The following RGS17 variants were observed in gnomAD, a reference collection of about 807,000 sequenced individuals.
RGS17 encodes regulator of G-protein signaling 17.
RGS17 carries 12 observed loss-of-function variants against 25.5 expected under a neutral mutation model. The ratio of observed to expected loss-of-function variants is 0.47; its 90% CI spans 0.30 to 0.76. RGS17 has a LOEUF of 0.76. RGS17 is among the 30% of genes least tolerant of loss of function. The probability of loss-of-function intolerance (pLI) is 0.07; values close to 1 mark genes in which losing one functional copy is unlikely to be tolerated. For synonymous variants in RGS17, 71 were observed against 76.9 expected (o/e 0.92, Z 0.40); for missense variants, 196 against 242.2 (o/e 0.81, Z 1.27).
At chr6:153,089,579 A>G (rs1193881903) in intron 1 of RGS17, among the ~76,000 whole-genome samples, 1 of 152,120 alleles carries the variant, frequency 6.6e-6, no homozygotes, top group Non-Finnish European at 1.5e-5. Context: ...GATGTGTTCA[A>G]AAAGTGTTAT....
At chr6:153,027,807 A>G (rs1779318744) in intron 2 of RGS17, among the ~76,000 whole-genome samples, 1 of 152,110 alleles carries the variant, frequency 6.6e-6, no homozygotes, top group African/African-American at 2.4e-5. Context: ...ATAGACACTG[A>G]GGTCATAGAC....
At chr6:153,028,967 G>T (rs1350472002) in intron 2 of RGS17, among the ~76,000 whole-genome samples, 4 of 152,156 alleles carry the variant, frequency 2.6e-5, no homozygotes, top group African/African-American at 9.7e-5. Context: ...GAGTCTACAG[G>T]CATGAATCAC....
At position 153,121,534 on chromosome 6, in the gene RGS17, CAA is replaced by C. The variant is rs202239942; in HGVS notation, c.-26+9588_-26+9589del. Among the ~76,000 whole-genome samples the C allele has an allele frequency of 3.1e-3, 467 of 152,258 alleles. 3 individuals carry two copies. The highest frequency in any genetic ancestry group is 0.014 in the Middle Eastern group (4 of 294). On this transcript the variant is annotated intron_variant, in intron 1 of 4. Coordinates refer to ENST00000206262, the MANE Select transcript of RGS17 (RefSeq NM_012419.5). ...AATAATCTCAGTGGCAATGAGCAGA[CAA>C]GCTTTTCCAAGCTCACTTGTTACTC...
At chr6:153,080,959 T>C (rs1038564476) in intron 1 of RGS17, among the ~76,000 whole-genome samples, 2 of 152,124 alleles carry the variant, frequency 1.3e-5, no homozygotes, top group Non-Finnish European at 2.9e-5. Context: ...AAATATACTG[T>C]GTATATTTAA....
rs1204477534 is a variant in RGS17, at chr6:153,099,460, G to A, written c.-26+31664C>T. Among the ~76,000 whole-genome samples, 4 of 152,104 alleles carry A rather than the reference G, an allele frequency of 2.6e-5. No homozygotes were observed. In the South Asian group the frequency reaches 6.2e-4, roughly 24 times the overall value. ...TAACTTGAATTATTTTTTTTACCCT[G>A]CTATAATTAGAGAAGCATAAGTGAG... is the stretch of plus-strand genomic sequence containing the variant. On this transcript the variant is annotated intron_variant, in intron 1 of 4. Coordinates refer to ENST00000206262, the MANE Select transcript of RGS17 (RefSeq NM_012419.5).
At chr6:153,104,556 G>C (rs1406570807) in intron 1 of RGS17, among the ~76,000 whole-genome samples, 2 of 152,206 alleles carry the variant, frequency 1.3e-5, no homozygotes, top group African/African-American at 4.8e-5. Context: ...AAAAGCTGTT[G>C]CACATGTCAG....
intron 1 of RGS17, among the ~76,000 whole-genome samples, chr6:153,112,228 G>A (rs896596437): frequency 5.9e-5 from 9 of 152,090 alleles, no homozygotes; most frequent in East Asian, 1.9e-4. Context: ...AGAGAAGAAC[G>A]AAAGTGACCT....
At chr6:153,060,465 G>A (rs954202526) in intron 1 of RGS17, among the ~76,000 whole-genome samples, 1 of 152,096 alleles carries the variant, frequency 6.6e-6, no homozygotes, top group African/African-American at 2.4e-5. Context: ...ATCTTCTTTG[G>A]CCTGTAATTC....
intron 1 of RGS17, among the ~76,000 whole-genome samples, chr6:153,058,345 G>C (rs1336091272): frequency 6.6e-6 from 1 of 151,968 alleles, no homozygotes; most frequent in Non-Finnish European, 1.5e-5. Flanking sequence ...CCATTGGCTG[G>C]GATCTTCCTA....
chr6:153,112,509 A>G (rs1397618940), intron 1 of RGS17, among the ~76,000 whole-genome samples: 1 of 152,238 alleles, frequency 6.6e-6, no homozygotes, highest in African/African-American at 2.4e-5. Flanking sequence ...TCAGGATATT[A>G]TCCAGGAGAA....
At chr6:153,067,394 A>T (rs1268407312) in intron 1 of RGS17, among the ~76,000 whole-genome samples, 2 of 152,172 alleles carry the variant, frequency 1.3e-5, no homozygotes, top group African/African-American at 4.8e-5. Context: ...AGACGATATG[A>T]TCTTATATTT....
intron 1 of RGS17, among the ~76,000 whole-genome samples, chr6:153,045,903 A>C (rs1776379082): frequency 6.6e-6 from 1 of 152,206 alleles, no homozygotes. Flanking sequence ...TGTTGACTGC[A>C]GCACTATTCA....
chr6:153,020,126 ATATATATATATATTTTTTTTTTTTTTTTT>A (rs1562313001), intron 4 of RGS17, among the ~76,000 whole-genome samples: 12 of 93,526 alleles, frequency 1.3e-4, no homozygotes, highest in Admixed American at 8.0e-4. Context: ...ATATATATAT[ATATATATATATATTTTTTTTTTTTTTTTT>A]TTTTTTTTTT....
chr6:153,105,281 T>C (rs1584159345), intron 1 of RGS17, among the ~76,000 whole-genome samples: 1 of 152,152 alleles, frequency 6.6e-6, no homozygotes, highest in Non-Finnish European at 1.5e-5. Context: ...GTCTACCTTG[T>C]TGCTGTGCTA....
chr6:153,096,082 G>C (rs1014516998), intron 1 of RGS17, among the ~76,000 whole-genome samples: 2 of 152,174 alleles, frequency 1.3e-5, no homozygotes, highest in African/African-American at 4.8e-5. Flanking sequence ...AAACAGCTTT[G>C]ACAGAGCTTT....
intron 1 of RGS17, among the ~76,000 whole-genome samples, chr6:153,058,350 T>C (rs904618342): frequency 2.0e-5 from 3 of 152,156 alleles, no homozygotes; most frequent in Non-Finnish European, 4.4e-5. Flanking sequence ...GGCTGGGATC[T>C]TCCTATCTCA....
chr6:153,016,919 G>C (rs990416122), intron 4 of RGS17, among the ~76,000 whole-genome samples: 3 of 152,136 alleles, frequency 2.0e-5, no homozygotes, highest in Non-Finnish European at 2.9e-5. Flanking sequence ...AGGTGTGTCT[G>C]GATGGCTTCT....
At chr6:153,128,637 GAATA>G (rs1295771687) in intron 1 of RGS17, among the ~76,000 whole-genome samples, 1 of 152,194 alleles carries the variant, frequency 6.6e-6, no homozygotes, top group African/African-American at 2.4e-5. Flanking sequence ...AAACGGGTAA[GAATA>G]TATATTTCTC....
At chr6:153,120,324 T>A (rs978658999) in intron 1 of RGS17, among the ~76,000 whole-genome samples, 1 of 152,222 alleles carries the variant, frequency 6.6e-6, no homozygotes, top group Non-Finnish European at 1.5e-5. Flanking sequence ...TCTTCATGAG[T>A]TTGACTTGTC....
Sources: allele counts gnomAD v4.1 joint callset (sites outside exome capture counted in the v4.1 genomes callset), GRCh38; gene constraint gnomAD v4.1.1; transcripts MANE v1.5; gene names NCBI Gene and HGNC (gene_info 2026-07-23, HGNC 2026-07-21).